BICC1: variants seen among roughly 807,000 people sequenced by gnomAD.
The protein encoded by BICC1 is BicC family RNA binding protein 1, also known as protein bicaudal C homolog 1.
BICC1 carries 43 observed loss-of-function variants against 111.0 expected under a neutral mutation model. The observed-to-expected ratio is 0.39, with a 90% confidence interval of 0.30 to 0.50. The LOEUF is 0.50. Among genes scored for constraint, BICC1 ranks in the 20% least tolerant of loss-of-function variants. The pLI, the probability that BICC1 is intolerant of heterozygous loss-of-function variation, is 0.88. For missense variants in BICC1, 1,091 were observed against 1,203.2 expected (o/e 0.91, Z 1.38); for synonymous variants, 467 against 434.4 (o/e 1.07, Z -0.93).
At chr10:58,584,055 AACACACAC>A (rs140080926) in intron 1 of BICC1, among the ~76,000 whole-genome samples, 83,181 of 147,708 alleles carry the variant, frequency 0.56, 26,584 homozygotes, top group Non-Finnish European at 0.7. Flanking sequence ...GTAAACATGA[AACACACAC>A]ACACACACAC....
chr10:58,782,998 A>G (rs1042293794), intron 3 of BICC1, among the ~76,000 whole-genome samples: 1 of 152,180 alleles, frequency 6.6e-6, no homozygotes, highest in African/African-American at 2.4e-5. Flanking sequence ...CTCTCTCCCA[A>G]CTTGGGTTGG....
chr10:58,661,525 C>G (rs937950721), intron 2 of BICC1, among the ~76,000 whole-genome samples: 15 of 152,056 alleles, frequency 9.9e-5, no homozygotes, highest in African/African-American at 3.1e-4. Flanking sequence ...GATCTAAGAC[C>G]TTTCATCTGT....
intron 3 of BICC1, among the ~76,000 whole-genome samples, chr10:58,733,682 TTCCTC>T (rs1391445031): frequency 6.6e-6 from 1 of 152,224 alleles, no homozygotes; most frequent in African/African-American, 2.4e-5. Flanking sequence ...GCTTCTGAGA[TTCCTC>T]TAAAAATCAA....
intron 3 of BICC1, among the ~76,000 whole-genome samples, chr10:58,772,471 A>G: frequency 6.6e-6 from 1 of 152,328 alleles, no homozygotes; most frequent in South Asian, 2.1e-4. Flanking sequence ...CTGACATTAT[A>G]TTAAAAAATA....
intron 1 of BICC1, among the ~76,000 whole-genome samples, chr10:58,618,547 C>T (rs1428924324): frequency 6.6e-6 from 1 of 152,206 alleles, no homozygotes; most frequent in African/African-American, 2.4e-5. Flanking sequence ...GAGAATAAAG[C>T]CATGTCACAA....
chr10:58,581,925 TA>T (rs1403203916), intron 1 of BICC1, among the ~76,000 whole-genome samples: 5 of 152,108 alleles, frequency 3.3e-5, no homozygotes, highest in Admixed American at 3.3e-4. Context: ...CATGTTACGA[TA>T]ACGGATTTTT....
At chr10:58,522,510 C>G (rs995490190) in intron 1 of BICC1, among the ~76,000 whole-genome samples, 1 of 151,868 alleles carries the variant, frequency 6.6e-6, no homozygotes, top group Non-Finnish European at 1.5e-5. Context: ...AAACCAACGA[C>G]AACAAAGACA....
chr10:58,641,066 C>A (rs76052173), intron 2 of BICC1, among the ~76,000 whole-genome samples: 1,846 of 152,248 alleles, frequency 0.012, 45 homozygotes, highest in African/African-American at 0.042. Context: ...TTTTACAATT[C>A]TTCCAAAACA....
intron 3 of BICC1, among the ~76,000 whole-genome samples, chr10:58,709,535 A>G (rs1840506898): frequency 6.6e-6 from 1 of 152,204 alleles, no homozygotes; most frequent in South Asian, 2.1e-4. Flanking sequence ...TAACACTGTA[A>G]CCAGTTCATA....
At chr10:58,802,750 C>T (rs1843588706) in intron 14 of BICC1, among the ~76,000 whole-genome samples, 1 of 152,134 alleles carries the variant, frequency 6.6e-6, no homozygotes, top group South Asian at 2.1e-4. Flanking sequence ...ATATCATATG[C>T]AGTATACCAT....
At position 58,830,044 on chromosome 10, in the gene BICC1, C is replaced by T. The variant is rs1462918985; in HGVS notation, c.*1153C>T. 1.3e-5 allele frequency: 2 copies of T among 151,990 alleles called. No homozygotes were observed. The highest frequency in any genetic ancestry group is 2.9e-5 in the Non-Finnish European group (2 of 68,002). 9.4% of individuals were successfully genotyped at this position (151,990 alleles called of 1,614,324 possible). On this transcript the variant is annotated 3_prime_UTR_variant, in exon 21 of 21. Coordinates refer to ENST00000373886, the MANE Select transcript of BICC1 (RefSeq NM_001080512.3). ...TGTTCCGTATGGCCACAGGACTTTC[C>T]TGAAACCGTATCTGTCTGCTTGAAG...
intron 1 of BICC1, among the ~76,000 whole-genome samples, chr10:58,562,234 G>A (rs981299946): frequency 1.3e-5 from 2 of 151,932 alleles, no homozygotes; most frequent in Admixed American, 6.6e-5. Context: ...CCTATAATGC[G>A]AAAATATGTT....
intron 3 of BICC1, among the ~76,000 whole-genome samples, chr10:58,775,059 G>C (rs1008409483): frequency 2.6e-5 from 4 of 152,068 alleles, no homozygotes; most frequent in African/African-American, 9.7e-5. Flanking sequence ...AAAGGACTAA[G>C]CTCAAAATTT....
At chr10:58,737,047 A>G (rs901040795) in intron 3 of BICC1, among the ~76,000 whole-genome samples, 1 of 152,126 alleles carries the variant, frequency 6.6e-6, no homozygotes, top group Non-Finnish European at 1.5e-5. Flanking sequence ...TTTGAAAAAA[A>G]ATTTTTTTTG....
intron 16 of BICC1, 29 bp downstream of exon 16, chr10:58,806,652 G>T: frequency 6.4e-7 from 1 of 1,567,082 alleles, no homozygotes; most frequent in South Asian, 1.1e-5. Flanking sequence ...ACTTACACTT[G>T]ACTATATTTT....
At chr10:58,814,092 T>G in intron 18 of BICC1, 106 bp downstream of exon 18, 2 of 1,295,636 alleles carry the variant, frequency 1.5e-6, no homozygotes, top group Non-Finnish European at 2.2e-6. Flanking sequence ...AAGTGCTTGG[T>G]GTAATTCACA....
chr10:58,551,884 G>C (rs1425529253), intron 1 of BICC1, among the ~76,000 whole-genome samples: 2 of 151,902 alleles, frequency 1.3e-5, no homozygotes, highest in African/African-American at 4.8e-5. Context: ...CAGATGTTTA[G>C]TGCAAGGAAC....
At chr10:58,764,373 G>A (rs768069115) in intron 3 of BICC1, among the ~76,000 whole-genome samples, 3 of 152,270 alleles carry the variant, frequency 2.0e-5, no homozygotes, top group Admixed American at 6.5e-5. Context: ...AGAAAATCTT[G>A]TACTTGGAAT....
chr10:58,821,580 G>A lies in BICC1; in HGVS notation c.2794+1112G>A, dbSNP rs556364186. Among the ~76,000 whole-genome samples, 6 of 152,256 alleles carry A rather than the reference G, an allele frequency of 3.9e-5. No homozygotes were observed. The East Asian group carries it at 1.2e-3, about 29-fold the overall frequency. On this transcript the variant is annotated intron_variant, in intron 20 of 20. Transcript: ENST00000373886. ...ATAGGAGTGGAAATCCAGCCATTGA[G>A]CTTCCTGGTGGCAGCCTGTTAGGTT...
Sources: allele counts gnomAD v4.1 joint callset (sites outside exome capture counted in the v4.1 genomes callset), GRCh38; gene constraint gnomAD v4.1.1; transcripts MANE v1.5; gene names NCBI Gene and HGNC (gene_info 2026-07-23, HGNC 2026-07-21).